The following MEIS2 variants were observed in gnomAD, a reference collection of about 807,000 sequenced individuals.
MEIS2 encodes Meis homeobox 2, also known as homeobox protein Meis2.
MEIS2 carries 9 observed loss-of-function variants against 58.6 expected under a neutral mutation model. The observed-to-expected ratio is 0.15, with a 90% CI of 0.09 to 0.27. MEIS2 has a LOEUF of 0.27. Ranked by LOEUF, MEIS2 falls within the 10% of genes least tolerant of loss-of-function variation. The pLI is 1.00. For synonymous variants in MEIS2, 221 were observed against 228.4 expected, an observed-to-expected ratio of 0.97 and a Z score of 0.29; for missense variants, 427 against 635.0, an observed-to-expected ratio of 0.67 and a Z score of 3.52.
At chr15:37,020,198 A>G (rs1364117959) in intron 8 of MEIS2, among the ~76,000 whole-genome samples, 1 of 152,126 alleles carries the variant, frequency 6.6e-6, no homozygotes, top group Non-Finnish European at 1.5e-5. Flanking sequence ...AGTCTCCTCT[A>G]CAAAGCGTGT....
intron 8 of MEIS2, among the ~76,000 whole-genome samples, chr15:36,961,484 G>A (rs2059179878): frequency 6.6e-6 from 1 of 152,056 alleles, no homozygotes; most frequent in African/African-American, 2.4e-5. Context: ...GGAATGTAAT[G>A]CTGAGTAAAT....
intron 7 of MEIS2, among the ~76,000 whole-genome samples, chr15:37,067,611 A>AT (rs397692746): frequency 6.6e-6 from 1 of 151,122 alleles, no homozygotes; most frequent in African/African-American, 2.4e-5. Flanking sequence ...AAAAAAAAAA[A>AT]TTAGAATGGG....
Position 37,071,405 on chromosome 15 carries a change from A to C in MEIS2, c.754+12366T>G, listed in dbSNP as rs1890695207. ...TTGGGGCCAGGCTTAGAGTAGGTGG[A>C]TGCTTTTCTAGCTTTACAATTCATA... On this transcript the variant is annotated intron_variant, in intron 7 of 11. Coordinates refer to ENST00000561208, the MANE Select transcript of MEIS2 (RefSeq NM_170675.5). Among the ~76,000 whole-genome samples the C allele has an allele frequency of 2.0e-5, 3 of 152,090 alleles. No homozygotes were observed. In the South Asian group the frequency reaches 6.2e-4, roughly 32 times the overall value.
intron 8 of MEIS2, among the ~76,000 whole-genome samples, chr15:36,991,195 G>A (rs978163722): frequency 3.3e-5 from 5 of 151,608 alleles, no homozygotes; most frequent in Non-Finnish European, 7.4e-5. Context: ...CTCACATCAA[G>A]CAATCCATAG....
At chr15:37,098,327 G>C in intron 1 of MEIS2, 128 bp from the exon 2 acceptor site, 1 of 1,337,698 alleles carries the variant, frequency 7.5e-7, no homozygotes, top group Non-Finnish European at 9.6e-7. Flanking sequence ...AGATGAGAGA[G>C]AGGGAGGGAG....
At chr15:37,012,929 G>T (rs2061213702) in intron 8 of MEIS2, among the ~76,000 whole-genome samples, 1 of 152,126 alleles carries the variant, frequency 6.6e-6, no homozygotes, top group Admixed American at 6.5e-5. Flanking sequence ...TCCTGCAAAT[G>T]CATATTTCAA....
At chr15:37,062,180 G>A (rs1889306383) in intron 7 of MEIS2, among the ~76,000 whole-genome samples, 1 of 152,118 alleles carries the variant, frequency 6.6e-6, no homozygotes, top group South Asian at 2.1e-4. Context: ...TGATCTCCAG[G>A]CCAATACTCT....
intron 7 of MEIS2, among the ~76,000 whole-genome samples, chr15:37,062,187 C>T (rs888588700): frequency 1.9e-4 from 29 of 152,288 alleles, no homozygotes; most frequent in South Asian, 2.1e-4. Flanking sequence ...CAGGCCAATA[C>T]TCTTTGCATG....
intron 8 of MEIS2, among the ~76,000 whole-genome samples, chr15:37,019,466 G>C (rs1419385422): frequency 6.6e-6 from 1 of 152,202 alleles, no homozygotes; most frequent in Non-Finnish European, 1.5e-5. Flanking sequence ...GTAGTGCACA[G>C]ATGACAATTT....
intron 7 of MEIS2, among the ~76,000 whole-genome samples, chr15:37,083,068 T>G (rs1346265206): frequency 6.6e-6 from 1 of 152,194 alleles, no homozygotes; most frequent in Admixed American, 6.5e-5. Flanking sequence ...TAGCCATAGA[T>G]GAGTCATTCC....
intron 9 of MEIS2, among the ~76,000 whole-genome samples, chr15:36,942,728 A>G (rs2058419165): frequency 6.6e-6 from 1 of 152,176 alleles, no homozygotes; most frequent in Admixed American, 6.5e-5. Flanking sequence ...AAGAACTTAA[A>G]GACTACTCAA....
intron 6 of MEIS2, among the ~76,000 whole-genome samples, chr15:37,088,390 C>A (rs1893139236): frequency 6.6e-6 from 1 of 152,150 alleles, no homozygotes; most frequent in African/African-American, 2.4e-5. Flanking sequence ...CTTGTATCAA[C>A]ATACATAATT....
At chr15:37,059,164 G>C (rs1888849209) in intron 7 of MEIS2, among the ~76,000 whole-genome samples, 1 of 152,156 alleles carries the variant, frequency 6.6e-6, no homozygotes, top group African/African-American at 2.4e-5. Flanking sequence ...AAAGGTCCCA[G>C]TTACTAGGGG....
At chr15:37,053,302 C>T (rs779229710) in intron 7 of MEIS2, among the ~76,000 whole-genome samples, 3 of 152,098 alleles carry the variant, frequency 2.0e-5, no homozygotes, top group Non-Finnish European at 4.4e-5. Flanking sequence ...ATAAAGTTGG[C>T]GAATGCACTC....
intron 8 of MEIS2, among the ~76,000 whole-genome samples, chr15:37,017,429 C>T (rs1426481333): frequency 6.6e-6 from 1 of 152,072 alleles, no homozygotes; most frequent in Admixed American, 6.5e-5. Flanking sequence ...CACAGCAAGA[C>T]CCTGTCTCTA....
At chr15:37,084,598 G>A (rs1892655227) in intron 6 of MEIS2, among the ~76,000 whole-genome samples, 1 of 152,152 alleles carries the variant, frequency 6.6e-6, no homozygotes, top group Non-Finnish European at 1.5e-5. Flanking sequence ...TTTCACTTGA[G>A]CTTCATGGAA....
chr15:36,986,660 AG>A (rs1880111693), intron 8 of MEIS2, among the ~76,000 whole-genome samples: 2 of 152,160 alleles, frequency 1.3e-5, no homozygotes, highest in African/African-American at 4.8e-5. Flanking sequence ...CCTTTCTCAG[AG>A]GACCGAGTCC....
At chr15:36,917,237 C>A (rs753315527) in intron 9 of MEIS2, among the ~76,000 whole-genome samples, 7 of 152,080 alleles carry the variant, frequency 4.6e-5, no homozygotes, top group Non-Finnish European at 1.0e-4. Context: ...TAAAATGGAG[C>A]CTTGGAAATT....
At chr15:37,086,558 T>G (rs1892911292) in intron 6 of MEIS2, among the ~76,000 whole-genome samples, 1 of 152,180 alleles carries the variant, frequency 6.6e-6, no homozygotes, top group African/African-American at 2.4e-5. Flanking sequence ...AACCTACCAT[T>G]CCCTTATCTC....
Sources: gnomAD v4.1 joint callset for allele counts (sites outside exome capture counted in the v4.1 genomes callset) on GRCh38, gnomAD v4.1.1 for gene constraint, MANE v1.5 for transcripts, NCBI Gene and HGNC (gene_info 2026-07-23, HGNC 2026-07-21) for gene names.